The following ENTPD3 variants were observed in gnomAD, a reference collection of about 807,000 sequenced individuals.
ENTPD3 encodes ectonucleoside triphosphate diphosphohydrolase 3, also known as CD39 antigen-like 3.
ENTPD3 carries 60 observed loss-of-function variants against 51.2 expected under a neutral mutation model. That is an observed-to-expected ratio of 1.17 (90% CI 0.95 to 1.45). The LOEUF (loss-of-function observed/expected upper bound fraction) is 1.45. ENTPD3 is among the 40% of genes most tolerant of loss of function. The pLI, the probability that ENTPD3 is intolerant of heterozygous loss-of-function variation, is 0.00. For missense variants in ENTPD3, 593 were observed against 641.1 expected (o/e 0.93, Z 0.81); for synonymous variants, 221 against 238.4 (o/e 0.93, Z 0.67).
In ENTPD3 at chr3:40,400,944, T is replaced by G; in HGVS notation, c.219T>G (p.Tyr73Ter). 6.2e-7 allele frequency: 1 copy of G among 1,614,016 alleles called. No homozygotes were observed. Among genetic ancestry groups the G allele is most frequent in the East Asian group, 2.2e-5 (1 of 44,882 alleles). ...AGSSRTTVYV[Y>*]QWPAEKENNT... ...CTTCAAGAACCACAGTCTACGTGTA[T>G]CAATGGCCAGCAGAAAAAGAGAATA... is the stretch of plus-strand genomic sequence containing the variant. Residue 73 changes from tyrosine to a stop codon, truncating the protein, a stop_gained, in exon 4 of 11, where the codon TAT (tyrosine) becomes TAG (stop). Transcript: ENST00000301825. LOFTEE classifies it high-confidence loss of function.
chr3:40,418,719 T>C (rs1955799634), intron 7 of ENTPD3, among the ~76,000 whole-genome samples: 1 of 152,176 alleles, frequency 6.6e-6, no homozygotes, highest in South Asian at 2.1e-4. Flanking sequence ...TAACATACTA[T>C]TGCATTTTCT....
chr3:40,422,352 T>TTTA (rs572981213), intron 7 of ENTPD3, among the ~76,000 whole-genome samples: 89 of 150,264 alleles, frequency 5.9e-4, no homozygotes, highest in East Asian at 2.5e-3. Flanking sequence ...ACTTAGAGAT[T>TTTA]TTATTATTAT....
chr3:40,409,738 C>T (rs546485133), intron 4 of ENTPD3, among the ~76,000 whole-genome samples: 1 of 152,252 alleles, frequency 6.6e-6, no homozygotes, highest in South Asian at 2.1e-4. Context: ...TTAAAGTAGA[C>T]TTATTTAAAC....
intron 5 of ENTPD3, among the ~76,000 whole-genome samples, chr3:40,412,741 A>G (rs1248467894): frequency 1.3e-5 from 2 of 152,206 alleles, no homozygotes; most frequent in Non-Finnish European, 2.9e-5. Flanking sequence ...CATTAATAAA[A>G]AAAGAACAAA....
intron 4 of ENTPD3, among the ~76,000 whole-genome samples, chr3:40,401,797 G>T (rs976241104): frequency 2.6e-5 from 4 of 152,162 alleles, no homozygotes; most frequent in Admixed American, 1.3e-4. Context: ...CAAAAAAAAG[G>T]TGGTATACTG....
At chr3:40,395,758 A>T (rs960289703) in intron 3 of ENTPD3, among the ~76,000 whole-genome samples, 1 of 152,188 alleles carries the variant, frequency 6.6e-6, no homozygotes, top group East Asian at 1.9e-4. Context: ...GTGATCAGGT[A>T]GACTCGGGCC....
intron 5 of ENTPD3, 93 bp from the exon 6 acceptor site, chr3:40,414,588 C>T (rs557986002): frequency 5.2e-5 from 68 of 1,315,136 alleles, no homozygotes; most frequent in Middle Eastern, 3.8e-4. Context: ...AGCAGGGAGA[C>T]GGTGAAGTTT....
At chr3:40,418,705 C>G (rs939754877) in intron 7 of ENTPD3, among the ~76,000 whole-genome samples, 1 of 152,142 alleles carries the variant, frequency 6.6e-6, no homozygotes, top group African/African-American at 2.4e-5. Context: ...GAATTAACCA[C>G]TATTAACATA....
chr3:40,409,233 C>A (rs909383010), intron 4 of ENTPD3, among the ~76,000 whole-genome samples: 30 of 151,874 alleles, frequency 2.0e-4, no homozygotes, highest in African/African-American at 7.3e-4. Flanking sequence ...GCCTGGACAA[C>A]AAGAGCAAAA....
In ENTPD3 at chr3:40,402,408, C is replaced by T. The variant is rs897898999; in HGVS notation, c.286+1397C>T. Among the ~76,000 whole-genome samples the T allele has an allele frequency of 3.9e-5, 6 of 151,948 alleles. No individual in the cohort carries two copies. In the South Asian group the frequency reaches 6.2e-4, roughly 16 times the overall value. On this transcript the variant is annotated intron_variant, in intron 4 of 10. Coordinates refer to ENST00000301825, the MANE Select transcript of ENTPD3 (RefSeq NM_001248.4). The stretch of plus-strand genomic sequence containing the variant: ...TGCTGGGATTACAGGTGTGAGCCAC[C>T]GTGCTCGGCCTCATTTTTCCTTGTT...
chr3:40,395,508 G>A (rs13321169), intron 3 of ENTPD3, among the ~76,000 whole-genome samples: 11,128 of 152,238 alleles, frequency 0.073, 956 homozygotes, highest in African/African-American at 0.21. Context: ...AGATGGGTCA[G>A]GCAGCCAAGA....
chr3:40,404,446 G>T (rs759805063), intron 4 of ENTPD3, among the ~76,000 whole-genome samples: 4 of 152,186 alleles, frequency 2.6e-5, no homozygotes, highest in Non-Finnish European at 4.4e-5. Flanking sequence ...ACCCAGGAGG[G>T]CAATTCAACC....
At position 40,401,368 on chromosome 3, in the gene ENTPD3, G is replaced by T. The variant is rs142684625; in HGVS notation, c.286+357G>T. Among the ~76,000 whole-genome samples, 453 of 152,326 alleles carry T rather than the reference G, an allele frequency of 3.0e-3. 1 individual carries two copies. Among genetic ancestry groups the T allele is most frequent in the Middle Eastern group, 0.01 (3 of 294 alleles). Reference sequence around the variant, plus strand: ...TTGTTACTCACAGGAGTAGCCCAGAGTATCAGCATTTTCTTATACTGGTTC... The same window carrying T: ...TTGTTACTCACAGGAGTAGCCCAGATTATCAGCATTTTCTTATACTGGTTC... On this transcript the variant is annotated intron_variant, in intron 4 of 10. Transcript: ENST00000301825.
At chr3:40,414,901 T>A in intron 6 of ENTPD3, 61 bp downstream of exon 6, 1 of 1,551,766 alleles carries the variant, frequency 6.4e-7, no homozygotes, top group South Asian at 1.1e-5. Context: ...CTGTGAGTGA[T>A]AGCCTAAGTA....
rs750632406 is a variant in ENTPD3, at chr3:40,401,000, G to A, written c.275G>A (p.Cys92Tyr). The stretch of plus-strand genomic sequence containing the variant: ...GGAGTGGTCAGTCAAACCTTCAAAT[G>A]TAGTGTGAAAGGTAAGGACTGAAGT... ...NTGVVSQTFK[C>Y]SVKGSGISSY... The change falls in exon 4 of 11, where the codon TGT becomes TAT. Residue 92 changes from cysteine (C) to tyrosine (Y), a missense_variant. Physicochemically the swap from Cys to Tyr is radical, Grantham distance 194. Transcript: ENST00000301825. The A allele has an allele frequency of 1.1e-5, 18 of 1,611,950 alleles. No homozygotes were observed. The African/African-American group carries it at 1.6e-4, about 14-fold the overall frequency.
intron 10 of ENTPD3, among the ~76,000 whole-genome samples, chr3:40,426,412 T>C (rs573931258): frequency 1.3e-5 from 2 of 152,130 alleles, no homozygotes; most frequent in South Asian, 4.2e-4. Flanking sequence ...GCCACAGATA[T>C]CATTTTTAAG....
chr3:40,427,199 C>G, intron 10 of ENTPD3, 73 bp from the exon 11 acceptor site: 1 of 1,203,122 alleles, frequency 8.3e-7, no homozygotes. Flanking sequence ...AGGTTGATAG[C>G]AGTATGACTC....
At chr3:40,400,852 G>T (rs779088777) in intron 3 of ENTPD3, 42 bp from the exon 4 acceptor site, 3 of 1,499,440 alleles carry the variant, frequency 2.0e-6, no homozygotes, top group Non-Finnish European at 2.8e-6. Context: ...GTCCTCAGAG[G>T]AGTCCCGCCC....
At chr3:40,411,017 A>G (rs1955615426) in intron 4 of ENTPD3, among the ~76,000 whole-genome samples, 2 of 152,140 alleles carry the variant, frequency 1.3e-5, no homozygotes, top group African/African-American at 2.4e-5. Flanking sequence ...TTGGCAAGGC[A>G]TGGTGGCTCA....
Sources: gnomAD v4.1 joint callset for allele counts (sites outside exome capture counted in the v4.1 genomes callset) on GRCh38, gnomAD v4.1.1 for gene constraint, MANE v1.5 for transcripts, NCBI Gene and HGNC (gene_info 2026-07-23, HGNC 2026-07-21) for gene names.